The following ANO2 variants were observed in gnomAD, a reference collection of about 807,000 sequenced individuals.
ANO2 encodes the protein anoctamin 2.
ANO2 carries 101 observed loss-of-function variants against 124.2 expected under a neutral mutation model. That is an observed-to-expected ratio of 0.81 (90% confidence interval 0.69 to 0.96). ANO2 has a LOEUF of 0.96. Ranked by LOEUF, ANO2 falls within the 40% of genes least tolerant of loss-of-function variation. The pLI, the probability that ANO2 is intolerant of heterozygous loss-of-function variation, is 0.00. For synonymous variants in ANO2, 486 were observed against 482.5 expected, an observed-to-expected ratio of 1.01 and a Z score of -0.09; for missense variants, 1,293 against 1,274.5, an observed-to-expected ratio of 1.01 and a Z score of -0.22.
At chr12:5,867,176 C>A (rs915628584) in intron 3 of ANO2, among the ~76,000 whole-genome samples, 1 of 152,220 alleles carries the variant, frequency 6.6e-6, no homozygotes, top group Non-Finnish European at 1.5e-5. Context: ...TGAACATGTA[C>A]AAAGAAGCTA....
At chr12:5,724,680 A>G (rs2137056734) in intron 14 of ANO2, among the ~76,000 whole-genome samples, 1 of 152,310 alleles carries the variant, frequency 6.6e-6, no homozygotes, top group East Asian at 1.9e-4. Context: ...AGGGTGATGA[A>G]CTGAGCAGTA....
intron 3 of ANO2, among the ~76,000 whole-genome samples, chr12:5,878,264 C>A (rs1938243806): frequency 6.6e-6 from 1 of 152,230 alleles, no homozygotes; most frequent in South Asian, 2.1e-4. Flanking sequence ...GTAGAATAAT[C>A]TTCATTTTAT....
At chr12:5,833,936 T>C (rs1333678133) in intron 4 of ANO2, among the ~76,000 whole-genome samples, 1 of 152,116 alleles carries the variant, frequency 6.6e-6, no homozygotes, top group Non-Finnish European at 1.5e-5. Flanking sequence ...GCCTTATCCC[T>C]TGAAGCCCTG....
At chr12:5,590,320 C>T (rs1158617093) in intron 20 of ANO2, among the ~76,000 whole-genome samples, 1 of 152,062 alleles carries the variant, frequency 6.6e-6, no homozygotes, top group Non-Finnish European at 1.5e-5. Flanking sequence ...GATTGGACAC[C>T]CCAGCTCTAG....
chr12:5,782,624 G>A (rs1952432859), intron 10 of ANO2, among the ~76,000 whole-genome samples: 1 of 152,108 alleles, frequency 6.6e-6, no homozygotes, highest in Non-Finnish European at 1.5e-5. Context: ...TCCTGCACCA[G>A]TTACTCCATC....
At chr12:5,868,537 C>T (rs1955492424) in intron 3 of ANO2, among the ~76,000 whole-genome samples, 1 of 152,194 alleles carries the variant, frequency 6.6e-6, no homozygotes. Context: ...GTGCTCAATG[C>T]TAATAATAAT....
chr12:5,805,289 G>C (rs1427194862), intron 9 of ANO2, among the ~76,000 whole-genome samples: 5 of 152,206 alleles, frequency 3.3e-5, no homozygotes, highest in African/African-American at 1.2e-4. Context: ...GAGGGAAGTT[G>C]CTTGAGCTTC....
chr12:5,682,258 C>A (rs1431442884), intron 14 of ANO2, among the ~76,000 whole-genome samples: 1 of 152,130 alleles, frequency 6.6e-6, no homozygotes, highest in Non-Finnish European at 1.5e-5. Flanking sequence ...GATAAATGAG[C>A]ATTTCTACTA....
At chr12:5,840,389 T>C (rs1278708613) in intron 4 of ANO2, among the ~76,000 whole-genome samples, 1 of 152,096 alleles carries the variant, frequency 6.6e-6, no homozygotes. Context: ...CACAGCAGTG[T>C]GGTCTGAGGG....
intron 10 of ANO2, among the ~76,000 whole-genome samples, chr12:5,775,980 C>T (rs1051673336): frequency 3.9e-5 from 6 of 152,316 alleles, no homozygotes; most frequent in Admixed American, 2.0e-4. Context: ...CCCATCCTCA[C>T]GTATCATGAT....
At chr12:5,733,024 C>T in intron 13 of ANO2, 1 of 912,610 alleles carries the variant, frequency 1.1e-6, no homozygotes, top group Non-Finnish European at 1.8e-6. Flanking sequence ...AGACCTCAAA[C>T]TTTAACTTTC....
intron 3 of ANO2, among the ~76,000 whole-genome samples, chr12:5,876,853 G>A (rs2137290139): frequency 6.6e-6 from 1 of 152,328 alleles, no homozygotes; most frequent in East Asian, 1.9e-4. Flanking sequence ...GGGAGGGATA[G>A]CATTAGGAGA....
intron 10 of ANO2, among the ~76,000 whole-genome samples, chr12:5,780,663 C>T (rs1952362913): frequency 6.6e-6 from 1 of 152,210 alleles, no homozygotes; most frequent in African/African-American, 2.4e-5. Context: ...GAGAGAGTCA[C>T]TGGCCGTGTA....
chr12:5,602,559 C>T (rs1591709620), intron 19 of ANO2, among the ~76,000 whole-genome samples: 1 of 152,142 alleles, frequency 6.6e-6, no homozygotes, highest in South Asian at 2.1e-4. Context: ...CGGCCTGAAA[C>T]TCCAACACTT....
intron 13 of ANO2, among the ~76,000 whole-genome samples, chr12:5,737,201 C>T (rs759002705): frequency 1.3e-5 from 2 of 152,220 alleles, no homozygotes; most frequent in Non-Finnish European, 2.9e-5. Flanking sequence ...ACGCCAGTCA[C>T]GTTACAGAAC....
intron 16 of ANO2, among the ~76,000 whole-genome samples, chr12:5,632,699 G>A (rs1289200328): frequency 6.6e-6 from 1 of 152,086 alleles, no homozygotes; most frequent in Non-Finnish European, 1.5e-5. Flanking sequence ...TTGCATATGG[G>A]AAGTACTCAC....
chr12:5,685,421 T>C (rs1219504004), intron 14 of ANO2, among the ~76,000 whole-genome samples: 1 of 152,144 alleles, frequency 6.6e-6, no homozygotes, highest in African/African-American at 2.4e-5. Flanking sequence ...GATCAAGTCC[T>C]TTCCTTCACT....
chr12:5,917,941 G>C (rs555148819), intron 3 of ANO2, among the ~76,000 whole-genome samples: 1 of 152,146 alleles, frequency 6.6e-6, no homozygotes, highest in African/African-American at 2.4e-5. Flanking sequence ...TCATGAGCTA[G>C]TAAGTCAGGC....
chr12:5,903,976 G>A (rs1037440555), intron 3 of ANO2, among the ~76,000 whole-genome samples: 1 of 152,112 alleles, frequency 6.6e-6, no homozygotes, highest in Non-Finnish European at 1.5e-5. Context: ...CCCACATGGA[G>A]GAAACCCACA....
Sources: allele counts gnomAD v4.1 joint callset (sites outside exome capture counted in the v4.1 genomes callset), GRCh38; gene constraint gnomAD v4.1.1; transcripts MANE v1.5; gene names NCBI Gene and HGNC (gene_info 2026-07-23, HGNC 2026-07-21).